PTER: variants seen among roughly 807,000 people sequenced by gnomAD.
The protein encoded by PTER is phosphotriesterase related, also known as N-acetyltaurine hydrolase.
Under a neutral mutation model 29.6 loss-of-function variants are expected in PTER, and 38 were observed. The ratio of observed to expected loss-of-function variants is 1.28; its 90% CI spans 0.99 to 1.68. The LOEUF (loss-of-function observed/expected upper bound fraction) is 1.68, where lower values mean the gene tolerates loss of function less well. PTER is among the 40% of genes most tolerant of loss of function. The pLI is 0.00. For synonymous variants in PTER, 172 were observed against 154.5 expected, an observed-to-expected ratio of 1.11 and a Z score of -0.84; for missense variants, 482 against 427.8, an observed-to-expected ratio of 1.13 and a Z score of -1.12.
intron 3 of PTER, among the ~76,000 whole-genome samples, chr10:16,491,306 A>G (rs1449152448): frequency 1.3e-5 from 2 of 152,226 alleles, no homozygotes; most frequent in South Asian, 2.1e-4. Context: ...TCGGAAAAAC[A>G]TACCGAATAA....
chr10:16,486,727 C>A, intron 3 of PTER, 110 bp downstream of exon 3: 1 of 1,224,096 alleles, frequency 8.2e-7, no homozygotes, highest in Non-Finnish European at 1.1e-6. Context: ...CAGAGAAAAC[C>A]ACTAACTATA....
chr10:16,478,793 T>G (rs992753961), intron 1 of PTER, among the ~76,000 whole-genome samples: 1 of 151,982 alleles, frequency 6.6e-6, no homozygotes, highest in African/African-American at 2.4e-5. Context: ...AACTGAAGAG[T>G]TAATGAAGCC....
intron 1 of PTER, chr10:16,437,333 GCTTTTT>G (rs756012218): frequency 9.7e-6 from 1 of 102,630 alleles, no homozygotes. Flanking sequence ...CCTTTAATAA[GCTTTTT>G]TTTTTTTTTT....
At chr10:16,473,705 C>A (rs1835149862) in intron 1 of PTER, among the ~76,000 whole-genome samples, 1 of 151,918 alleles carries the variant, frequency 6.6e-6, no homozygotes, top group Admixed American at 6.6e-5. Context: ...AAACTGAAAA[C>A]CTTAAAGATG....
intron 1 of PTER, among the ~76,000 whole-genome samples, chr10:16,440,593 G>A (rs1426450961): frequency 6.6e-6 from 1 of 152,138 alleles, no homozygotes; most frequent in Admixed American, 6.5e-5. Context: ...GTATGTCCAC[G>A]TGACTTGTTT....
intron 3 of PTER, among the ~76,000 whole-genome samples, chr10:16,500,226 TA>T (rs1258972489): frequency 1.7e-5 from 2 of 120,508 alleles, no homozygotes; most frequent in African/African-American, 7.0e-5. Flanking sequence ...TCATAGGGAT[TA>T]CTTTTTTTTT....
At chr10:16,439,930 C>T (rs956590744) in intron 1 of PTER, among the ~76,000 whole-genome samples, 4 of 152,134 alleles carry the variant, frequency 2.6e-5, no homozygotes, top group Admixed American at 6.5e-5. Flanking sequence ...TGATCAAGCT[C>T]GAGTCTGCTC....
chr10:16,496,416 A>G (rs1315839168), intron 3 of PTER, among the ~76,000 whole-genome samples: 4 of 152,156 alleles, frequency 2.6e-5, no homozygotes, highest in African/African-American at 9.7e-5. Context: ...CCAAAGCCAC[A>G]CTGACCATGT....
intron 3 of PTER, among the ~76,000 whole-genome samples, chr10:16,495,675 C>T (rs1332768077): frequency 6.6e-6 from 1 of 152,132 alleles, no homozygotes; most frequent in Non-Finnish European, 1.5e-5. Context: ...TGAGCTAGTT[C>T]CATGAGCCAC....
At chr10:16,514,071 C>T, downstream of PTER, 1 of 367,504 alleles carries the variant, frequency 2.7e-6, no homozygotes, top group East Asian at 3.9e-5. Context: ...TCAATTAGAC[C>T]TTCTCCTGCA....
At chr10:16,470,809 A>T (rs942531937) in intron 1 of PTER, among the ~76,000 whole-genome samples, 1 of 152,194 alleles carries the variant, frequency 6.6e-6, no homozygotes, top group African/African-American at 2.4e-5. Context: ...CTGTTCTTTA[A>T]AAAGGTTTCT....
At chr10:16,450,330 A>T (rs947098108) in intron 1 of PTER, among the ~76,000 whole-genome samples, 1 of 152,194 alleles carries the variant, frequency 6.6e-6, no homozygotes, top group Non-Finnish European at 1.5e-5. Context: ...GTGCATGGTT[A>T]ATCTCCTCAG....
intron 1 of PTER, among the ~76,000 whole-genome samples, chr10:16,458,526 T>G (rs1443373471): frequency 2.6e-5 from 4 of 152,198 alleles, no homozygotes; most frequent in Non-Finnish European, 4.4e-5. Flanking sequence ...ATTCATGATG[T>G]GAAAACCAAA....
At chr10:16,516,551 A>G (rs968814385), downstream of PTER, among the ~76,000 whole-genome samples, 1 of 152,220 alleles carries the variant, frequency 6.6e-6, no homozygotes, top group Non-Finnish European at 1.5e-5. Context: ...ACTAATAACC[A>G]GACATATTTT....
intron 4 of PTER, among the ~76,000 whole-genome samples, chr10:16,508,402 G>A (rs1464216953): frequency 1.3e-5 from 2 of 151,958 alleles, no homozygotes; most frequent in African/African-American, 4.8e-5. Context: ...TTGGAAATGG[G>A]AACTTTGCAC....
At chr10:16,465,111 A>G (rs992104935) in intron 1 of PTER, among the ~76,000 whole-genome samples, 3 of 152,174 alleles carry the variant, frequency 2.0e-5, no homozygotes, top group African/African-American at 4.8e-5. Flanking sequence ...GGGAGCTACA[A>G]TTCAAGATAA....
chr10:16,500,801 T>C (rs1034743267), intron 3 of PTER, among the ~76,000 whole-genome samples: 1 of 151,950 alleles, frequency 6.6e-6, no homozygotes, highest in Non-Finnish European at 1.5e-5. Flanking sequence ...AGTCTAGTGG[T>C]GTGACCATAG....
chr10:16,453,749 CA>C (rs1171709156), intron 1 of PTER, among the ~76,000 whole-genome samples: 1 of 152,176 alleles, frequency 6.6e-6, no homozygotes, highest in Non-Finnish European at 1.5e-5. Context: ...TTCCTTGTAA[CA>C]AAATGGTCTG....
At chr10:16,505,951 GA>G (rs1297324003) in intron 4 of PTER, among the ~76,000 whole-genome samples, 4 of 152,162 alleles carry the variant, frequency 2.6e-5, no homozygotes, top group African/African-American at 9.7e-5. Context: ...GATGAGGACA[GA>G]GACCTGGGGA....
Sources: allele counts gnomAD v4.1 joint callset (sites outside exome capture counted in the v4.1 genomes callset), GRCh38; gene constraint gnomAD v4.1.1; transcripts MANE v1.5; gene names NCBI Gene and HGNC (gene_info 2026-07-23, HGNC 2026-07-21).